MX1: variants seen among roughly 807,000 people sequenced by gnomAD.
The protein encoded by MX1 is interferon-induced GTP-binding protein Mx1.
A neutral mutation model predicts 66.4 loss-of-function variants in MX1; 66 were observed. That is an observed-to-expected ratio of 0.99 (90% CI 0.82 to 1.22). The LOEUF is 1.22. Among genes scored for constraint, MX1 ranks in the 50% most tolerant of loss-of-function variants. MX1 has a pLI of 0.00. For synonymous variants in MX1, 311 were observed against 318.1 expected, an observed-to-expected ratio of 0.98 and a Z score of 0.24; for missense variants, 787 against 834.3, an observed-to-expected ratio of 0.94 and a Z score of 0.70.
intron 16 of MX1, among the ~76,000 whole-genome samples, chr21:41,454,657 C>T (rs1001625305): frequency 3.9e-5 from 6 of 152,316 alleles, no homozygotes; most frequent in South Asian, 2.1e-4. Flanking sequence ...ACCTGAAGTA[C>T]AATCTAATTC....
In MX1 at chr21:41,437,008, C is replaced by T; in HGVS notation, c.299-7C>T. ...AGTGGAGCACTGATGTGGGCGTGGC[C>T]TCCTAGGGATCGTGACCAGATGCCC... On this transcript the variant is annotated splice_polypyrimidine_tract_variant and splice_region_variant and intron_variant, in intron 6 of 16. Coordinates refer to ENST00000398598, the MANE Select transcript of MX1 (RefSeq NM_002462.5). 6.2e-7 allele frequency: 1 copy of T among 1,613,678 alleles called. No homozygotes were observed. Among genetic ancestry groups the T allele is most frequent in the Non-Finnish European group, 8.5e-7 (1 of 1,179,762 alleles).
In MX1 at chr21:41,458,762, C is replaced by T. The variant is rs369355264; in HGVS notation, c.*4C>T. ...GCTTGCCCAGTTCCCCGGTTAACCA[C>T]ACTCTGTCCAGCCCCGTAGACGTGC... On this transcript the variant is annotated 3_prime_UTR_variant, in exon 17 of 17. Transcript: ENST00000398598. The T allele has an allele frequency of 8.3e-5, 133 of 1,609,732 alleles. No homozygotes were observed. Among genetic ancestry groups the T allele is most frequent in the African/African-American group, 3.2e-4 (24 of 74,414 alleles).
intron 8 of MX1, 29 bp from the exon 9 acceptor site, chr21:41,440,858 A>G (rs1299755052): frequency 2.9e-5 from 47 of 1,613,866 alleles, no homozygotes; most frequent in Non-Finnish European, 3.8e-5. Context: ...TGCCATACTC[A>G]CGAGTCACCT....
At chr21:41,445,901 G>T in intron 12 of MX1, 99 bp from the exon 13 acceptor site, 1 of 1,461,598 alleles carries the variant, frequency 6.8e-7, no homozygotes. Context: ...AGAAAGCAAA[G>T]AATGACTCCC....
intron 12 of MX1, 58 bp from the exon 13 acceptor site, chr21:41,445,942 A>T: frequency 6.3e-7 from 1 of 1,595,470 alleles, no homozygotes; most frequent in South Asian, 1.1e-5. Context: ...CCTCCAAATG[A>T]CCTTGACACT....
rs781581111 is a variant in MX1 at position 41,441,853 on chromosome 21, C to G, written c.868C>G (p.Leu290Val). 2 of 1,614,170 alleles carry G rather than the reference C, an allele frequency of 1.2e-6. No homozygotes were observed. The highest frequency in any genetic ancestry group is 1.7e-6 in the Non-Finnish European group (2 of 1,180,026). The change falls in exon 10 of 17, where the codon CTG (leucine) becomes GTG (valine). Residue 290 changes from leucine to valine, a missense_variant. Physicochemically the swap from Leu to Val is conservative, Grantham distance 32 (BLOSUM62 1). Coordinates refer to ENST00000398598, the MANE Select transcript of MX1 (RefSeq NM_002462.5). The surrounding 1 kb of genome is among the most constrained non-coding windows in gnomAD (Gnocchi z 4.0). Reference protein sequence around the residue: ...CRGQQEIQDQLSLSEALQREK... With the variant: ...CRGQQEIQDQVSLSEALQREK... Reference sequence around the variant, plus strand: ...GGGCCAGCAGGAGATCCAGGACCAGCTGAGCCTGTCCGAAGCCCTGCAGAG... The same window carrying G: ...GGGCCAGCAGGAGATCCAGGACCAGGTGAGCCTGTCCGAAGCCCTGCAGAG...
At chr21:41,435,363 A>T (rs2090330650) in intron 5 of MX1, among the ~76,000 whole-genome samples, 2 of 152,136 alleles carry the variant, frequency 1.3e-5, no homozygotes, top group African/African-American at 4.8e-5. Flanking sequence ...TCTCTCTTCC[A>T]TTCTCTTTTG....
At chr21:41,424,011 G>A (rs2090019102), upstream of MX1, among the ~76,000 whole-genome samples, 1 of 152,128 alleles carries the variant, frequency 6.6e-6, no homozygotes, top group South Asian at 2.1e-4. Flanking sequence ...TCGTGAACAA[G>A]GGCCCTTAGG....
chr21:41,422,311 C>G (rs2090002166), upstream of MX1, among the ~76,000 whole-genome samples: 1 of 152,190 alleles, frequency 6.6e-6, no homozygotes, highest in Admixed American at 6.5e-5. Context: ...GGAAGTTACC[C>G]TACATGTATG....
intron 16 of MX1, among the ~76,000 whole-genome samples, chr21:41,453,287 G>A (rs2090881081): frequency 6.6e-6 from 1 of 152,176 alleles, no homozygotes; most frequent in African/African-American, 2.4e-5. Context: ...CTCCCCCTGA[G>A]TCCCTCCCAC....
Position 41,458,989 on chromosome 21 carries a change from CT to C in MX1, c.*233del, listed in dbSNP as rs1278955130. On this transcript the variant is annotated 3_prime_UTR_variant, in exon 17 of 17. Coordinates refer to ENST00000398598, the MANE Select transcript of MX1 (RefSeq NM_002462.5). ...AGCTGGCGGGATTGAAGGATGCTGT[CT>C]TCGTACTGGGAAAGGGATTTTCAGC... 1.4e-6 allele frequency: 1 copy of C among 698,846 alleles called. No homozygotes were observed. The highest frequency in any genetic ancestry group is 2.3e-6 in the Non-Finnish European group (1 of 438,238). 43.3% of individuals were successfully genotyped at this position (698,846 alleles called of 1,614,324 possible). A position where few individuals can be genotyped will look rare whatever the true frequency, so the allele number is the denominator to read the frequency against.
chr21:41,453,103 G>T (rs1289706335), intron 16 of MX1, among the ~76,000 whole-genome samples: 2 of 152,178 alleles, frequency 1.3e-5, no homozygotes, highest in African/African-American at 2.4e-5. Context: ...GGCTGGGGAG[G>T]CCTTCTACCA....
Position 41,438,475 on chromosome 21 carries a change from C to T in MX1, c.437-1219C>T, listed in dbSNP as rs1183538730. On this transcript the variant is annotated intron_variant, in intron 7 of 16. Coordinates refer to ENST00000398598, the MANE Select transcript of MX1 (RefSeq NM_002462.5). ...CGGGCCTTCTGTCTGTGTGGTCTCTCACCCTCCAGAAGGCTAAGCTGGACT... is the reference window on the plus strand; with the variant it reads ...CGGGCCTTCTGTCTGTGTGGTCTCTTACCCTCCAGAAGGCTAAGCTGGACT... 3.3e-5 allele frequency among the ~76,000 whole-genome samples: 5 copies of T among 151,994 alleles called. No homozygotes were observed. In the East Asian group the frequency reaches 9.7e-4, roughly 29 times the overall value.
intron 16 of MX1, among the ~76,000 whole-genome samples, chr21:41,454,326 C>T (rs900739328): frequency 1.3e-5 from 2 of 152,116 alleles, no homozygotes; most frequent in African/African-American, 4.8e-5. Context: ...GTGTGTGTGA[C>T]TTAACCCCTG....
intron 3 of MX1, chr21:41,429,062 G>C (rs555181729): frequency 6.6e-6 from 1 of 152,336 alleles, no homozygotes; most frequent in African/African-American, 2.4e-5. Context: ...CCAAACACAG[G>C]GTGCAGCCAA....
chr21:41,444,033 C>T (rs1473377876), intron 11 of MX1, among the ~76,000 whole-genome samples, 167 bp downstream of exon 11: 1 of 152,162 alleles, frequency 6.6e-6, no homozygotes, highest in East Asian at 1.9e-4. Flanking sequence ...TTCTGCATTT[C>T]CAGCAAGCCC....
At chr21:41,425,264 T>G (rs2090038814), upstream of MX1, among the ~76,000 whole-genome samples, 1 of 152,098 alleles carries the variant, frequency 6.6e-6, no homozygotes, top group African/African-American at 2.4e-5. Context: ...TGGGGCCGTT[T>G]TATAGGATTT....
At chr21:41,448,930 T>TTGTGTG (rs10528033) in intron 13 of MX1, among the ~76,000 whole-genome samples, 8 of 139,616 alleles carry the variant, frequency 5.7e-5, no homozygotes, top group Admixed American at 2.2e-4. Context: ...AGATCTGGTT[T>TTGTGTG]TGTGTGTGTG....
In MX1 at chr21:41,435,778, A is replaced by G. The variant is rs528982747; in HGVS notation, c.106-59A>G. 3.3e-5 allele frequency: 51 copies of G among 1,558,440 alleles called. No individual in the cohort carries two copies. In the African/African-American group the frequency reaches 4.5e-4, roughly 14 times the overall value. ...GATTTGGGTAGGGACACAGAACCAA[A>G]CCATATCATGAGCATGATTTGCAGG... On this transcript the variant is annotated intron_variant, in intron 5 of 16. Coordinates refer to ENST00000398598, the MANE Select transcript of MX1 (RefSeq NM_002462.5).
Sources: allele counts gnomAD v4.1 joint callset (sites outside exome capture counted in the v4.1 genomes callset), GRCh38; gene constraint gnomAD v4.1.1; non-coding constraint Gnocchi (gnomAD v3.1); transcripts MANE v1.5; gene names NCBI Gene and HGNC (gene_info 2026-07-23, HGNC 2026-07-21).